Variants in BAIAP2 observed in about 807,000 individuals in gnomAD.
BAIAP2 encodes the protein BAR/IMD domain containing adaptor protein 2.
BAIAP2 carries 18 observed loss-of-function variants against 63.0 expected under a neutral mutation model. That is an observed-to-expected ratio of 0.29 (90% CI 0.20 to 0.42). The LOEUF (loss-of-function observed/expected upper bound fraction) is 0.42, where lower values mean the gene tolerates loss of function less well. BAIAP2 is among the 10% of genes least tolerant of loss of function. The pLI is 1.00. For missense variants in BAIAP2, 610 were observed against 734.3 expected (o/e 0.83, Z 1.96); for synonymous variants, 386 against 307.6 (o/e 1.25, Z -2.67).
At chr17:81,043,092 C>T (rs1223871093) in intron 1 of BAIAP2, among the ~76,000 whole-genome samples, 1 of 152,038 alleles carries the variant, frequency 6.6e-6, no homozygotes, top group East Asian at 1.9e-4. Flanking sequence ...GTCTTTAACA[C>T]CTGGGGTCAA....
intron 7 of BAIAP2, among the ~76,000 whole-genome samples, chr17:81,102,035 C>CT (rs1446891054): frequency 2.6e-5 from 4 of 152,170 alleles, no homozygotes; most frequent in African/African-American, 4.8e-5. Flanking sequence ...GGAAGCCAGG[C>CT]TGCTTGCCGC....
intron 3 of BAIAP2, among the ~76,000 whole-genome samples, chr17:81,077,649 G>A (rs1435968982): frequency 6.6e-6 from 1 of 152,258 alleles, no homozygotes; most frequent in Non-Finnish European, 1.5e-5. Context: ...CTGGGAGGAC[G>A]GATGCTTGGG....
chr17:81,095,484 C>T (rs1327323910), intron 6 of BAIAP2, among the ~76,000 whole-genome samples: 3 of 152,188 alleles, frequency 2.0e-5, no homozygotes, highest in Admixed American at 6.5e-5. Flanking sequence ...ACAGTCGTGG[C>T]CTCTCTGTAT....
At chr17:81,093,677 C>T (rs1178076128) in intron 6 of BAIAP2, among the ~76,000 whole-genome samples, 1 of 152,248 alleles carries the variant, frequency 6.6e-6, no homozygotes, top group East Asian at 1.9e-4. Context: ...CCAGGATCCC[C>T]CCTCCGGCTG....
intron 13 of BAIAP2, chr17:81,109,512 T>C: frequency 1.0e-6 from 1 of 985,544 alleles, no homozygotes; most frequent in Non-Finnish European, 1.2e-6. Flanking sequence ...CGATGGCCTC[T>C]GTCCGGACAG....
At chr17:81,037,618 T>A (rs1419753411) in intron 1 of BAIAP2, among the ~76,000 whole-genome samples, 1 of 152,210 alleles carries the variant, frequency 6.6e-6, no homozygotes, top group Admixed American at 6.5e-5. Flanking sequence ...AGCTCTGTCC[T>A]CTCCTGGGAC....
At chr17:81,106,026 G>T in intron 10 of BAIAP2, 52 bp from the exon 11 acceptor site, 9 of 1,505,682 alleles carry the variant, frequency 6.0e-6, no homozygotes, top group Non-Finnish European at 8.1e-6. Context: ...GTCGGTGGGG[G>T]ATGGGGAGCC....
chr17:81,086,613 C>A, intron 6 of BAIAP2, 33 bp downstream of exon 6: 1 of 1,610,946 alleles, frequency 6.2e-7, no homozygotes, highest in South Asian at 1.1e-5. Context: ...GGTGCCTCTC[C>A]TGCCACCTTG....
chr17:81,115,690 T>G lies in BAIAP2; in HGVS notation c.1536-80T>G, dbSNP rs1210044090. 9 of 1,546,018 alleles carry G rather than the reference T, an allele frequency of 5.8e-6. No individual in the cohort carries two copies. The African/African-American group carries it at 1.2e-4, about 21-fold the overall frequency. ...TAGGCATCCAGCACTGGGGAATCCC[T>G]GGGGCATCGGGCAGCCCAGGTGGCA... On this transcript the variant is annotated intron_variant, in intron 13 of 13. Coordinates refer to ENST00000428708, the MANE Select transcript of BAIAP2 (RefSeq NM_001144888.2).
rs2144315409 is a variant in BAIAP2 at position 81,057,969 on chromosome 17, T to TGCGGGGGGGGGGGGGGGGGGGGGGGG, written c.217+3_217+4insCGGGGGGGGGGGGGGGGGGGGGGGGG. 2.1e-6 allele frequency: 2 copies of TGCGGGGGGGGGGGGGGGGGGGGGGGG among 964,866 alleles called. No individual in the cohort carries two copies. The highest frequency in any genetic ancestry group is 1.4e-6 in the Non-Finnish European group (1 of 713,586). The allele number at this position is 964,866 out of a possible 1,614,324, so 59.8% of individuals were successfully genotyped here. A position where few individuals can be genotyped will look rare whatever the true frequency, so the allele number is the denominator to read the frequency against. ...AGAGCCAGGGCTCCAAAGAACTCGG[T>TGCGGGGGGGGGGGGGGGGGGGGGGGG]GAGACCCCCCCCCCCCCCCCGCCTG... On this transcript the variant is annotated splice_region_variant and intron_variant, in intron 3 of 13. Coordinates refer to ENST00000428708, the MANE Select transcript of BAIAP2 (RefSeq NM_001144888.2).
chr17:81,051,667 C>T (rs919543020), intron 1 of BAIAP2, among the ~76,000 whole-genome samples: 4 of 152,212 alleles, frequency 2.6e-5, no homozygotes, highest in African/African-American at 9.6e-5. Context: ...GTTGGGATTA[C>T]GAGCGTGAGC....
At chr17:81,081,897 C>A (rs1457101048) in intron 3 of BAIAP2, among the ~76,000 whole-genome samples, 1 of 152,174 alleles carries the variant, frequency 6.6e-6, no homozygotes, top group Non-Finnish European at 1.5e-5. Flanking sequence ...GCAGTCACAC[C>A]CATGGTTGGA....
At chr17:81,102,889 C>G (rs1010715064) in intron 7 of BAIAP2, among the ~76,000 whole-genome samples, 9 of 152,232 alleles carry the variant, frequency 5.9e-5, no homozygotes, top group Non-Finnish European at 2.9e-5. Context: ...GATTAGCTCC[C>G]AGGACCCAGG....
At chr17:81,041,808 G>A (rs1376663228) in intron 1 of BAIAP2, among the ~76,000 whole-genome samples, 1 of 152,252 alleles carries the variant, frequency 6.6e-6, no homozygotes, top group Admixed American at 6.5e-5. Context: ...CCAACCTCAG[G>A]TGATCCACCC....
chr17:81,080,487 T>G (rs1270535668), intron 3 of BAIAP2, among the ~76,000 whole-genome samples: 4 of 152,316 alleles, frequency 2.6e-5, no homozygotes, highest in African/African-American at 9.6e-5. Context: ...GATGCTGGGG[T>G]GCACATTTGA....
chr17:81,052,711 C>T (rs1026572877), intron 1 of BAIAP2, among the ~76,000 whole-genome samples: 4 of 151,996 alleles, frequency 2.6e-5, no homozygotes, highest in African/African-American at 9.7e-5. Flanking sequence ...AGGCTGAGGC[C>T]AGGTGCTGGG....
rs775350782 is a variant in BAIAP2, at chr17:81,103,714, G to T, written c.855G>T (p.Pro285=). ...KPLPVPPELA[P]FVGRMSAQES... ...TGCCGGTGCCCCCCGAGCTGGCACC[G>T]TTCGTGGGGGTGAGTCTGTGGCCTC... The change falls in exon 8 of 14, where the codon CCG becomes CCT. Residue 285 remains proline, a synonymous_variant. Transcript: ENST00000428708. The T allele has an allele frequency of 6.3e-7, 1 of 1,579,172 alleles. No individual in the cohort carries two copies. The highest frequency in any genetic ancestry group is 2.3e-5 in the East Asian group (1 of 44,210).
intron 3 of BAIAP2, among the ~76,000 whole-genome samples, chr17:81,073,792 G>A (rs2053135236): frequency 6.6e-6 from 1 of 152,218 alleles, no homozygotes; most frequent in Non-Finnish European, 1.5e-5. Flanking sequence ...TGTTGTGAAA[G>A]CCGAAGTGTG....
At position 81,106,923 on chromosome 17, in the gene BAIAP2, C is replaced by T. The variant is rs779713616; in HGVS notation, c.1500+16C>T. 1.7e-5 allele frequency: 25 copies of T among 1,496,568 alleles called. No individual in the cohort carries two copies. In the Admixed American group the frequency reaches 2.7e-4, roughly 16 times the overall value. 92.7% of individuals were successfully genotyped at this position (1,496,568 alleles called of 1,614,324 possible). ...CTTCTCCCAGGTCAGTGGGCGGGGC[C>T]GGGGCTGGGAGGGGCCCGCAGGTGG... is the stretch of plus-strand genomic sequence containing the variant. On this transcript the variant is annotated intron_variant, in intron 12 of 13. Transcript: ENST00000428708.
Sources: allele counts gnomAD v4.1 joint callset (sites outside exome capture counted in the v4.1 genomes callset), GRCh38; gene constraint gnomAD v4.1.1; transcripts MANE v1.5; gene names NCBI Gene and HGNC (gene_info 2026-07-23, HGNC 2026-07-21).